Variants in CRPPA observed in about 807,000 individuals in gnomAD.
CRPPA encodes the protein CDP-L-ribitol pyrophosphorylase A, also known as D-ribitol-5-phosphate cytidylyltransferase.
Under a neutral mutation model 52.0 loss-of-function variants are expected in CRPPA, and 43 were observed. That is an observed-to-expected ratio of 0.83 (90% CI 0.65 to 1.07). The LOEUF (loss-of-function observed/expected upper bound fraction) is 1.07. Ranked by LOEUF, CRPPA falls within the 50% of genes least tolerant of loss-of-function variation. The probability of loss-of-function intolerance (pLI) is 0.00; values close to 1 mark genes in which losing one functional copy is unlikely to be tolerated. For missense variants in CRPPA, 629 were observed against 551.7 expected (o/e 1.14, Z -1.40); for synonymous variants, 250 against 203.5 (o/e 1.23, Z -1.94).
chr7:16,161,878 A>G (rs750167569), intron 9 of CRPPA, among the ~76,000 whole-genome samples: 1 of 152,060 alleles, frequency 6.6e-6, no homozygotes, highest in Non-Finnish European at 1.5e-5. Context: ...TTATTGGTCT[A>G]TTTAGGGATT....
At chr7:16,381,196 G>T (rs982920349) in intron 2 of CRPPA, among the ~76,000 whole-genome samples, 2 of 152,134 alleles carry the variant, frequency 1.3e-5, no homozygotes, top group Non-Finnish European at 2.9e-5. Context: ...TTGTTTCATT[G>T]TTCTGGTTGG....
chr7:16,314,901 C>T (rs1785111857), intron 3 of CRPPA, among the ~76,000 whole-genome samples: 1 of 151,954 alleles, frequency 6.6e-6, no homozygotes, highest in African/African-American at 2.4e-5. Flanking sequence ...CTGAAGCTTC[C>T]TGGATCTTTG....
At chr7:16,345,880 T>C (rs1312912949) in intron 3 of CRPPA, among the ~76,000 whole-genome samples, 2 of 152,196 alleles carry the variant, frequency 1.3e-5, no homozygotes, top group Non-Finnish European at 2.9e-5. Context: ...GTCCAAATGA[T>C]TTCCTTTAAT....
At chr7:16,161,825 T>C (rs560682277) in intron 9 of CRPPA, among the ~76,000 whole-genome samples, 39 of 152,274 alleles carry the variant, frequency 2.6e-4, no homozygotes, top group African/African-American at 9.4e-4. Flanking sequence ...TGGGCTTTTT[T>C]TGGTTGGTAG....
intron 8 of CRPPA, among the ~76,000 whole-genome samples, chr7:16,252,072 G>C (rs1234512755): frequency 1.3e-5 from 2 of 151,502 alleles, no homozygotes; most frequent in East Asian, 3.9e-4. Context: ...GCATCATCCT[G>C]ATACCAAAAC....
chr7:16,145,168 G>C (rs576459768), intron 9 of CRPPA, among the ~76,000 whole-genome samples: 3 of 152,322 alleles, frequency 2.0e-5, no homozygotes, highest in Admixed American at 6.5e-5. Context: ...TCTGGAAGCA[G>C]TTCTACCTAT....
At chr7:16,248,846 G>C (rs966034081) in intron 8 of CRPPA, among the ~76,000 whole-genome samples, 8 of 152,178 alleles carry the variant, frequency 5.3e-5, no homozygotes, top group South Asian at 2.1e-4. Context: ...TGGAGGAACA[G>C]TATACTCTTG....
intron 9 of CRPPA, among the ~76,000 whole-genome samples, chr7:16,115,088 G>A (rs1198523906): frequency 6.6e-6 from 1 of 151,754 alleles, no homozygotes; most frequent in East Asian, 1.9e-4. Flanking sequence ...GATGGGGTAG[G>A]GATACTCCAA....
chr7:16,389,928 A>AAAAAAAAAATAT, intron 2 of CRPPA, among the ~76,000 whole-genome samples: 4 of 29,758 alleles, frequency 1.3e-4, no homozygotes, highest in African/African-American at 6.9e-4. Context: ...AAAAAAAAAA[A>AAAAAAAAAATAT]ATATATATAT....
intron 5 of CRPPA, among the ~76,000 whole-genome samples, chr7:16,284,287 A>G (rs962294012): frequency 2.0e-5 from 3 of 152,232 alleles, no homozygotes; most frequent in African/African-American, 7.2e-5. Context: ...ATAATAAAAT[A>G]TTGTCATTTT....
chr7:16,316,581 G>C (rs927886531), intron 3 of CRPPA, among the ~76,000 whole-genome samples: 10 of 152,028 alleles, frequency 6.6e-5, no homozygotes. Context: ...TAAACAACTG[G>C]CCAGATGTGG....
chr7:16,274,769 A>G (rs998132422), intron 6 of CRPPA, among the ~76,000 whole-genome samples: 1 of 152,192 alleles, frequency 6.6e-6, no homozygotes, highest in Non-Finnish European at 1.5e-5. Flanking sequence ...ACTTGAAATT[A>G]AAAGAGAAAT....
At chr7:16,104,718 A>G (rs1782114348) in intron 9 of CRPPA, among the ~76,000 whole-genome samples, 1 of 151,872 alleles carries the variant, frequency 6.6e-6, no homozygotes, top group African/African-American at 2.4e-5. Context: ...GGTCAACATG[A>G]TGAAATCCCA....
intron 5 of CRPPA, among the ~76,000 whole-genome samples, chr7:16,284,089 AAG>A (rs1057192878): frequency 5.3e-5 from 8 of 152,004 alleles, no homozygotes; most frequent in African/African-American, 1.9e-4. Context: ...TCTTTTTTAA[AAG>A]ATTATTAGGA....
chr7:16,102,610 G>GA (rs140682981), intron 9 of CRPPA, among the ~76,000 whole-genome samples: 5,808 of 151,576 alleles, frequency 0.038, 328 homozygotes, highest in East Asian at 0.3. Context: ...AAATTTACAA[G>GA]AAAAAAAACA....
At chr7:16,187,733 AT>A (rs1355967706) in intron 9 of CRPPA, among the ~76,000 whole-genome samples, 1 of 152,196 alleles carries the variant, frequency 6.6e-6, no homozygotes, top group Non-Finnish European at 1.5e-5. Flanking sequence ...TTTTGAGGGA[AT>A]ATGGGATTGG....
chr7:16,400,522 C>G (rs540833205), intron 2 of CRPPA, among the ~76,000 whole-genome samples: 1 of 152,348 alleles, frequency 6.6e-6, no homozygotes, highest in Admixed American at 6.5e-5. Flanking sequence ...ACGACTGGCA[C>G]ATGATTGACA....
chr7:16,351,614 C>A (rs1464345716), intron 3 of CRPPA, among the ~76,000 whole-genome samples: 1 of 151,610 alleles, frequency 6.6e-6, no homozygotes, highest in East Asian at 1.9e-4. Context: ...AGGATATGAA[C>A]AGACACTTCT....
intron 2 of CRPPA, among the ~76,000 whole-genome samples, chr7:16,389,565 A>G (rs1382628249): frequency 1.3e-5 from 2 of 152,142 alleles, no homozygotes; most frequent in African/African-American, 2.4e-5. Flanking sequence ...CCCCTTTGTG[A>G]GAAAAGCACA....
Sources: allele counts gnomAD v4.1 joint callset (sites outside exome capture counted in the v4.1 genomes callset), GRCh38; gene constraint gnomAD v4.1.1; transcripts MANE v1.5; gene names NCBI Gene and HGNC (gene_info 2026-07-23, HGNC 2026-07-21).